Variants in TIRAP observed in about 807,000 individuals in gnomAD.
The protein encoded by TIRAP is TIR domain containing adaptor protein, also known as toll/interleukin-1 receptor domain-containing adapter protein.
Under a neutral mutation model 19.8 loss-of-function variants are expected in TIRAP, and 20 were observed. The observed-to-expected ratio is 1.01, with a 90% CI of 0.71 to 1.47. TIRAP has a LOEUF of 1.47. TIRAP is among the 40% of genes most tolerant of loss of function. The probability of loss-of-function intolerance (pLI) is 0.00; values close to 1 mark genes in which losing one functional copy is unlikely to be tolerated. For synonymous variants in TIRAP, 125 were observed against 121.7 expected (o/e 1.03, Z -0.18); for missense variants, 276 against 285.1 (o/e 0.97, Z 0.23).
intron 3 of TIRAP, among the ~76,000 whole-genome samples, 158 bp from the exon 4 acceptor site, chr11:126,292,319 A>AT (rs71048778): frequency 6.6e-6 from 1 of 150,972 alleles, no homozygotes; most frequent in Non-Finnish European, 1.5e-5. Context: ...AAAAAAAAAA[A>AT]TAGTGGAGCA....
At chr11:126,284,853 CAAAAA>C (rs34033281) in intron 1 of TIRAP, among the ~76,000 whole-genome samples, 3 of 119,238 alleles carry the variant, frequency 2.5e-5, no homozygotes, top group Non-Finnish European at 5.1e-5. Flanking sequence ...GACTCCGTCT[CAAAAA>C]AAAAAAAAAA....
rs1951382333 is a variant in TIRAP, at chr11:126,291,331, A to G, written c.67+370A>G. ...AAATGAATCAATCCCCACCACAACT[A>G]TCTGTCCTTATCAAAGGCTGGGGAA... On this transcript the variant is annotated intron_variant, in intron 3 of 4. Transcript: ENST00000392679. This position sits in a 1 kb window ranked among gnomAD's most constrained non-coding sequence, Gnocchi z 5.6. 1 of 717,862 alleles carries G rather than the reference A, an allele frequency of 1.4e-6. No individual in the cohort carries two copies. Among genetic ancestry groups the G allele is most frequent in the Non-Finnish European group, 2.2e-6 (1 of 463,998 alleles). 44.5% of individuals were successfully genotyped at this position (717,862 alleles called of 1,614,324 possible).
Position 126,288,740 on chromosome 11 carries a change from A to G in TIRAP, c.-216-1722A>G, listed in dbSNP as rs1951349273. Among the ~76,000 whole-genome samples, 1 of 152,244 alleles carries G rather than the reference A, an allele frequency of 6.6e-6. No homozygotes were observed. Among genetic ancestry groups the G allele is most frequent in the Non-Finnish European group, 1.5e-5 (1 of 68,048 alleles). On this transcript the variant is annotated intron_variant, in intron 1 of 4. Transcript: ENST00000392679. The surrounding 1 kb of genome is among the most constrained non-coding windows in gnomAD (Gnocchi z 5.0). Reference sequence around the variant, plus strand: ...CGTTGCCAAAAGGGCAAGTCATTTCATAAAATGAGAAACTGAAACTTTAAA... The same window carrying G: ...CGTTGCCAAAAGGGCAAGTCATTTCGTAAAATGAGAAACTGAAACTTTAAA...
Position 126,294,126 on chromosome 11 carries a change from A to G in TIRAP, c.*439A>G. 3.9e-6 allele frequency: 1 copy of G among 254,368 alleles called. No homozygotes were observed. The highest frequency in any genetic ancestry group is 7.8e-6 in the Non-Finnish European group (1 of 127,552). 15.8% of individuals were successfully genotyped at this position (254,368 alleles called of 1,614,324 possible). ...GGTATCCCTCCTAAAGAAGTGACTC[A>G]CCTGACTGATCAGCAAGAAGCCTAG... On this transcript the variant is annotated 3_prime_UTR_variant, in exon 5 of 5. Transcript: ENST00000392679.
intron 1 of TIRAP, among the ~76,000 whole-genome samples, chr11:126,284,803 G>A (rs1438149721): frequency 1.3e-5 from 2 of 150,658 alleles, no homozygotes; most frequent in Non-Finnish European, 2.9e-5. Flanking sequence ...GCAGGGAGCC[G>A]AGATTATGCC....
rs117176605 is a variant in TIRAP, at chr11:126,291,551, G to A, written c.67+590G>A. 321 of 594,628 alleles carry A rather than the reference G, an allele frequency of 5.4e-4. No individual in the cohort carries two copies. In the East Asian group the frequency reaches 0.016, roughly 29 times the overall value. 36.8% of individuals were successfully genotyped at this position (594,628 alleles called of 1,614,324 possible). On this transcript the variant is annotated intron_variant, in intron 3 of 4. Transcript: ENST00000392679. This position sits in a 1 kb window ranked among gnomAD's most constrained non-coding sequence, Gnocchi z 5.6. ...GGTCCACAAGTCCACAGTCAAAGCC[G>A]TGTCCCTGACTCCAGAGTGTGGGTT...
In TIRAP at chr11:126,290,808, C is replaced by T. The variant is rs1379323681; in HGVS notation, c.-87C>T. ...TCTCTCTCTACCCTCTGTAGGATGG[C>T]TGCTCCATGAGGTCAAGACTGGGTC... On this transcript the variant is annotated 5_prime_UTR_variant, in exon 3 of 5. Coordinates refer to ENST00000392679, the MANE Select transcript of TIRAP (RefSeq NM_001318777.2). The surrounding 1 kb of genome is among the most constrained non-coding windows in gnomAD (Gnocchi z 4.9). 6.6e-7 allele frequency: 1 copy of T among 1,519,002 alleles called. No homozygotes were observed. Among genetic ancestry groups the T allele is most frequent in the East Asian group, 2.5e-5 (1 of 40,142 alleles). The allele number at this position is 1,519,002 out of a possible 1,614,324, so 94.1% of individuals were successfully genotyped here. A position where few individuals can be genotyped will look rare whatever the true frequency, so the allele number is the denominator to read the frequency against.
intron 4 of TIRAP, 94 bp from the exon 5 acceptor site, chr11:126,293,574 G>A (rs1035859511): frequency 2.1e-6 from 3 of 1,426,742 alleles, no homozygotes; most frequent in South Asian, 1.2e-5. Context: ...GTTTGGAAGT[G>A]TAATAGATAA....
chr11:126,285,049 G>T (rs1449011768), intron 1 of TIRAP, among the ~76,000 whole-genome samples: 1 of 151,886 alleles, frequency 6.6e-6, no homozygotes, highest in Non-Finnish European at 1.5e-5. Context: ...GTGCCCAGCA[G>T]TGATGCATTG....
In TIRAP at chr11:126,292,624, C is replaced by A. The variant is rs367776674; in HGVS notation, c.215C>A (p.Thr72Lys). The part of the protein sequence containing the change: ...SSVTSPSLPP[T>K]HASDSGSSRW... ...GTCACGTCTCCCAGCCTGCCACCCA[C>A]ACATGCGAGTGACAGTGGCAGTAGT... Residue 72 changes from threonine to lysine, a missense_variant, in exon 4 of 5, where the codon ACA becomes AAA. Coordinates refer to ENST00000392679, the MANE Select transcript of TIRAP (RefSeq NM_001318777.2). The A allele has an allele frequency of 1.2e-5, 20 of 1,614,116 alleles. No homozygotes were observed. The highest frequency in any genetic ancestry group is 2.7e-5 in the African/African-American group (2 of 74,948).
At chr11:126,293,161 T>G (rs1464601220) in intron 4 of TIRAP, 106 bp downstream of exon 4, 1 of 1,578,528 alleles carries the variant, frequency 6.3e-7, no homozygotes. Context: ...AAAGCGCAGC[T>G]TCTGGAAAAG....
At chr11:126,284,035 T>TC (rs1370350669) in intron 1 of TIRAP, among the ~76,000 whole-genome samples, 5 of 145,872 alleles carry the variant, frequency 3.4e-5, no homozygotes, top group South Asian at 2.2e-4. Context: ...ATGTACTTCT[T>TC]TTTTTTTTTT....
Position 126,283,139 on chromosome 11 carries a change from T to C in TIRAP, c.-231T>C. Reference sequence around the variant, plus strand: ...CAGTCCGCGCAGCCCTCATCGCAACTGGGCCCGCGCGCAGGTGAGCCCGGG... The same window carrying C: ...CAGTCCGCGCAGCCCTCATCGCAACCGGGCCCGCGCGCAGGTGAGCCCGGG... On this transcript the variant is annotated 5_prime_UTR_variant, in exon 1 of 5. Coordinates refer to ENST00000392679, the MANE Select transcript of TIRAP (RefSeq NM_001318777.2). 1 of 984,814 alleles carries C rather than the reference T, an allele frequency of 1.0e-6. No homozygotes were observed. The highest frequency in any genetic ancestry group is 5.2e-4 in the Middle Eastern group (1 of 1,912). 61.0% of individuals were successfully genotyped at this position (984,814 alleles called of 1,614,324 possible).
Position 126,290,682 on chromosome 11 carries a change from A to G in TIRAP, c.-93+97A>G, listed in dbSNP as rs1951370176. 1.5e-6 allele frequency: 2 copies of G among 1,357,860 alleles called. No homozygotes were observed. The highest frequency in any genetic ancestry group is 3.0e-5 in the African/African-American group (2 of 66,408). 84.1% of individuals were successfully genotyped at this position (1,357,860 alleles called of 1,614,324 possible). A position where few individuals can be genotyped will look rare whatever the true frequency, so the allele number is the denominator to read the frequency against. On this transcript the variant is annotated intron_variant, in intron 2 of 4. Coordinates refer to ENST00000392679, the MANE Select transcript of TIRAP (RefSeq NM_001318777.2). This position sits in a 1 kb window ranked among gnomAD's most constrained non-coding sequence, Gnocchi z 4.9. ...TAATCTCATGAGGAATGAAAGACCC[A>G]TTTAGAGAAGAAGCCTCTGTCAGGC... is the stretch of plus-strand genomic sequence containing the variant.
Position 126,290,876 on chromosome 11 carries a change from T to G in TIRAP, c.-19T>G. 5 of 1,598,434 alleles carry G rather than the reference T, an allele frequency of 3.1e-6. No homozygotes were observed. The highest frequency in any genetic ancestry group is 4.3e-6 in the Non-Finnish European group (5 of 1,171,154). On this transcript the variant is annotated 5_prime_UTR_variant, in exon 3 of 5. Coordinates refer to ENST00000392679, the MANE Select transcript of TIRAP (RefSeq NM_001318777.2). This position sits in a 1 kb window ranked among gnomAD's most constrained non-coding sequence, Gnocchi z 4.9. ...TCACCAATGCCTGGTCTCACGGGGCTAGTTTTGACCCCCACGCTATGGCAT... is the reference window on the plus strand; with the variant it reads ...TCACCAATGCCTGGTCTCACGGGGCGAGTTTTGACCCCCACGCTATGGCAT...
At chr11:126,285,261 A>T (rs951589929) in intron 1 of TIRAP, among the ~76,000 whole-genome samples, 8 of 51,278 alleles carry the variant, frequency 1.6e-4, no homozygotes, top group Admixed American at 6.1e-4. Flanking sequence ...ATATATATAT[A>T]ATATATATTT....
Position 126,292,773 on chromosome 11 carries a change from G to T in TIRAP, c.364G>T (p.Asp122Tyr), listed in dbSNP as rs141779289. The T allele has an allele frequency of 1.2e-5, 19 of 1,613,070 alleles. No individual in the cohort carries two copies. The highest frequency in any genetic ancestry group is 2.7e-5 in the African/African-American group (2 of 75,038). ...ASLRCFLQLR[D>Y]ATPGGAIVSE... ...CCTGCGCTGCTTCCTGCAACTCCGG[G>T]ATGCAACCCCAGGCGGCGCTATAGT... Residue 122 changes from aspartate (D) to tyrosine (Y), a missense_variant, in exon 4 of 5, where the codon GAT becomes TAT. Physicochemically the swap from Asp to Tyr is radical, Grantham distance 160. Transcript: ENST00000392679.
rs547712649 is a variant in TIRAP, at chr11:126,290,870, C to T, written c.-25C>T. ...CCCCCTTCACCAATGCCTGGTCTCA[C>T]GGGGCTAGTTTTGACCCCCACGCTA... On this transcript the variant is annotated 5_prime_UTR_variant, in exon 3 of 5. In the 5' UTR this introduces an upstream ATG that the reference lacks. Transcript: ENST00000392679. The surrounding 1 kb of genome is among the most constrained non-coding windows in gnomAD (Gnocchi z 4.9). 1.8e-5 allele frequency: 29 copies of T among 1,593,146 alleles called. No homozygotes were observed. In the Admixed American group the frequency reaches 2.6e-4, roughly 14 times the overall value.
At chr11:126,284,919 T>A (rs973069391) in intron 1 of TIRAP, among the ~76,000 whole-genome samples, 6 of 151,924 alleles carry the variant, frequency 3.9e-5, no homozygotes, top group African/African-American at 1.5e-4. Flanking sequence ...AAATTGCTGA[T>A]GTGTGTATGC....
Sources: gnomAD v4.1 joint callset for allele counts (sites outside exome capture counted in the v4.1 genomes callset) on GRCh38, gnomAD v4.1.1 for gene constraint, Gnocchi (gnomAD v3.1) non-coding constraint, MANE v1.5 for transcripts, NCBI Gene and HGNC (gene_info 2026-07-23, HGNC 2026-07-21) for gene names.